The following WSCD2 variants were observed in gnomAD, a reference collection of about 807,000 sequenced individuals.
The protein encoded by WSCD2 is sialate:O-sulfotransferase 2.
WSCD2 carries 28 observed loss-of-function variants against 55.7 expected under a neutral mutation model. That is an observed-to-expected ratio of 0.50 (90% confidence interval 0.37 to 0.69). The LOEUF is 0.69. Among genes scored for constraint, WSCD2 ranks in the 30% least tolerant of loss-of-function variants. WSCD2 has a pLI of 0.00. For synonymous variants in WSCD2, 301 were observed against 301.9 expected, an observed-to-expected ratio of 1.00 and a Z score of 0.03; for missense variants, 616 against 762.1, an observed-to-expected ratio of 0.81 and a Z score of 2.26.
chr12:108,180,314 C>T (rs1565939364), intron 1 of WSCD2, among the ~76,000 whole-genome samples: 1 of 152,216 alleles, frequency 6.6e-6, no homozygotes, highest in South Asian at 2.1e-4. Flanking sequence ...CCGCCCCCCG[C>T]AGTGGAGAAT....
intron 1 of WSCD2, among the ~76,000 whole-genome samples, chr12:108,185,808 C>A (rs1384607741): frequency 1.3e-5 from 2 of 152,178 alleles, no homozygotes; most frequent in Non-Finnish European, 2.9e-5. Context: ...TTATCTCCCC[C>A]AGCCTATTAA....
rs1009237522 is a variant in WSCD2, at chr12:108,250,421, T to G, written c.*2078T>G. 1 of 152,304 alleles carries G rather than the reference T, an allele frequency of 6.6e-6. No homozygotes were observed. Among genetic ancestry groups the G allele is most frequent in the Non-Finnish European group, 1.5e-5 (1 of 68,074 alleles). The allele number at this position is 152,304 out of a possible 1,614,324, so 9.4% of individuals were successfully genotyped here. On this transcript the variant is annotated 3_prime_UTR_variant, in exon 9 of 9. Coordinates refer to ENST00000547525, the MANE Select transcript of WSCD2 (RefSeq NM_014653.4). ...TTGTGTTCTCCTGCCTTTCTATGTT[T>G]TGAAACTGTATCCCACAAGTTGCCG...
chr12:108,215,385 A>G (rs1456252067), intron 4 of WSCD2, among the ~76,000 whole-genome samples: 1 of 152,166 alleles, frequency 6.6e-6, no homozygotes, highest in African/African-American at 2.4e-5. Context: ...GACAATCCCA[A>G]TCTTTCACAA....
intron 1 of WSCD2, among the ~76,000 whole-genome samples, chr12:108,162,573 G>A (rs1879185459): frequency 6.6e-6 from 1 of 152,214 alleles, no homozygotes; most frequent in African/African-American, 2.4e-5. Context: ...TTCCCAAAGT[G>A]CCAAGGAAAT....
At chr12:108,176,882 C>T (rs1392306867) in intron 1 of WSCD2, among the ~76,000 whole-genome samples, 1 of 152,006 alleles carries the variant, frequency 6.6e-6, no homozygotes, top group African/African-American at 2.4e-5. Flanking sequence ...CCTGTCTAGA[C>T]GATTAGAACA....
At chr12:108,245,976 C>T (rs746162007) in intron 8 of WSCD2, among the ~76,000 whole-genome samples, 24 of 152,222 alleles carry the variant, frequency 1.6e-4, no homozygotes, top group Admixed American at 5.9e-4. Flanking sequence ...GGGAGGCCTT[C>T]GCCACACTGC....
rs574747652 is a variant in WSCD2 at position 108,161,548 on chromosome 12, G to A, written c.-552+31622G>A. On this transcript the variant is annotated intron_variant, in intron 1 of 8. Transcript: ENST00000547525. ...CACCAGAAGCTTCAAGAGAGGCCTGGAACAGATTCTCTCACAGCCCCCAGA... is the reference window on the plus strand; with the variant it reads ...CACCAGAAGCTTCAAGAGAGGCCTGAAACAGATTCTCTCACAGCCCCCAGA... 2.2e-3 allele frequency among the ~76,000 whole-genome samples: 333 copies of A among 152,280 alleles called. 1 individual carries two copies. Among genetic ancestry groups the A allele is most frequent in the African/African-American group, 7.7e-3 (319 of 41,552 alleles).
At chr12:108,183,955 C>A (rs924056129) in intron 1 of WSCD2, among the ~76,000 whole-genome samples, 21 of 152,146 alleles carry the variant, frequency 1.4e-4, no homozygotes, top group African/African-American at 5.1e-4. Flanking sequence ...GCACAGGGTA[C>A]ATGGAAGGGC....
At chr12:108,145,156 C>T (rs1190157216) in intron 1 of WSCD2, among the ~76,000 whole-genome samples, 1 of 152,222 alleles carries the variant, frequency 6.6e-6, no homozygotes, top group Non-Finnish European at 1.5e-5. Context: ...CTGCCTCCCA[C>T]CTCAGGACCT....
chr12:108,164,577 T>C (rs1879428270), intron 1 of WSCD2, among the ~76,000 whole-genome samples: 1 of 152,212 alleles, frequency 6.6e-6, no homozygotes, highest in Non-Finnish European at 1.5e-5. Context: ...ACAGAGGTGC[T>C]AGGGACATTC....
intron 1 of WSCD2, among the ~76,000 whole-genome samples, chr12:108,194,548 C>T (rs1883637332): frequency 6.6e-6 from 1 of 152,200 alleles, no homozygotes; most frequent in African/African-American, 2.4e-5. Context: ...GAAATAGTTA[C>T]CTCTCATAGG....
At chr12:108,160,057 A>G (rs1799944533) in intron 1 of WSCD2, among the ~76,000 whole-genome samples, 1 of 152,172 alleles carries the variant, frequency 6.6e-6, no homozygotes, top group African/African-American at 2.4e-5. Context: ...TTCATAGTTA[A>G]TTTAGGATCT....
intron 2 of WSCD2, among the ~76,000 whole-genome samples, chr12:108,199,886 A>G (rs1339695420): frequency 2.0e-5 from 3 of 152,224 alleles, no homozygotes; most frequent in Non-Finnish European, 2.9e-5. Context: ...CTCAGTGTAC[A>G]GAAAGTACAT....
At chr12:108,236,594 C>G (rs1889287089) in intron 7 of WSCD2, among the ~76,000 whole-genome samples, 1 of 152,106 alleles carries the variant, frequency 6.6e-6, no homozygotes, top group African/African-American at 2.4e-5. Context: ...CTCTCTCTCT[C>G]TCTCTAATTG....
intron 1 of WSCD2, among the ~76,000 whole-genome samples, chr12:108,160,251 A>T (rs1878926905): frequency 6.6e-6 from 1 of 152,184 alleles, no homozygotes; most frequent in Non-Finnish European, 1.5e-5. Flanking sequence ...GGGTGGACAG[A>T]GCTTACTTTA....
intron 1 of WSCD2, among the ~76,000 whole-genome samples, chr12:108,140,456 G>A (rs1876676311): frequency 6.6e-6 from 1 of 152,094 alleles, no homozygotes; most frequent in Non-Finnish European, 1.5e-5. Flanking sequence ...TGGTCATCAG[G>A]GCCTCTCCCC....
intron 3 of WSCD2, among the ~76,000 whole-genome samples, chr12:108,208,918 C>T (rs1394874541): frequency 1.3e-5 from 2 of 152,210 alleles, no homozygotes; most frequent in South Asian, 4.1e-4. Context: ...AAGCAATTTA[C>T]AAACTACATT....
At chr12:108,212,449 G>T (rs957210269) in intron 4 of WSCD2, among the ~76,000 whole-genome samples, 33 of 152,114 alleles carry the variant, frequency 2.2e-4, no homozygotes, top group African/African-American at 7.2e-4. Flanking sequence ...TTAATGTTCA[G>T]GTTGGCTGAA....
At chr12:108,178,896 T>C (rs1369531091) in intron 1 of WSCD2, among the ~76,000 whole-genome samples, 1 of 152,208 alleles carries the variant, frequency 6.6e-6, no homozygotes, top group African/African-American at 2.4e-5. Context: ...AGTAGTAGTT[T>C]GTGGTAATTA....
Sources: allele counts gnomAD v4.1 joint callset (sites outside exome capture counted in the v4.1 genomes callset), GRCh38; gene constraint gnomAD v4.1.1; transcripts MANE v1.5; gene names NCBI Gene and HGNC (gene_info 2026-07-23, HGNC 2026-07-21).